ZDHHC21: variants seen among roughly 807,000 people sequenced by gnomAD.
ZDHHC21 encodes the protein zDHHC palmitoyltransferase 21.
ZDHHC21 carries 15 observed loss-of-function variants against 34.6 expected under a neutral mutation model. The observed-to-expected ratio is 0.43, with a 90% CI of 0.29 to 0.67. The LOEUF (loss-of-function observed/expected upper bound fraction) is 0.67. ZDHHC21 is among the 30% of genes least tolerant of loss of function. The pLI is 0.14. For missense variants in ZDHHC21, 344 were observed against 327.7 expected, an observed-to-expected ratio of 1.05 and a Z score of -0.38; for synonymous variants, 142 against 101.8, an observed-to-expected ratio of 1.40 and a Z score of -2.38.
the ZDHHC21 span, among the ~76,000 whole-genome samples, chr9:14,592,911 C>G: frequency 6.6e-6 from 1 of 152,058 alleles, no homozygotes; most frequent in Non-Finnish European, 1.5e-5. Flanking sequence ...TACTTCTAAA[C>G]AATCCATGAT....
At chr9:14,591,151 T>A in the ZDHHC21 span, among the ~76,000 whole-genome samples, 2 of 152,128 alleles carry the variant, frequency 1.3e-5, no homozygotes, top group African/African-American at 4.8e-5. Flanking sequence ...AGGAAAATAC[T>A]GAGTTACTCC....
intron 7 of ZDHHC21, among the ~76,000 whole-genome samples, chr9:14,656,003 G>GA (rs142454823): frequency 0.15 from 21,972 of 151,140 alleles, 2,144 homozygotes; most frequent in South Asian, 0.36. Flanking sequence ...ACTAATAACA[G>GA]AAAAAAAATT....
At chr9:14,644,811 C>A in intron 7 of ZDHHC21, among the ~76,000 whole-genome samples, 1 of 143,844 alleles carries the variant, frequency 7.0e-6, no homozygotes, top group African/African-American at 2.6e-5. Flanking sequence ...TACACACATA[C>A]ATATGTATAC....
chr9:14,631,084 TCTC>T (rs1827261246), intron 8 of ZDHHC21, among the ~76,000 whole-genome samples: 1 of 152,182 alleles, frequency 6.6e-6, no homozygotes, highest in Non-Finnish European at 1.5e-5. Flanking sequence ...GGTATCGACT[TCTC>T]CTCTGTAGCC....
chr9:14,690,211 A>G, intron 2 of ZDHHC21, 126 bp downstream of exon 2: 2 of 352,074 alleles, frequency 5.7e-6, no homozygotes, highest in South Asian at 2.2e-5. Context: ...TCTAGTACCC[A>G]CCACACCAAG....
chr9:14,690,927 GA>G (rs1272468532), intron 1 of ZDHHC21, among the ~76,000 whole-genome samples: 1 of 152,086 alleles, frequency 6.6e-6, no homozygotes, highest in African/African-American at 2.4e-5. Context: ...TAATGCATGT[GA>G]AAAGTTGAAT....
the ZDHHC21 span, among the ~76,000 whole-genome samples, chr9:14,592,329 T>G: frequency 6.6e-6 from 1 of 152,156 alleles, no homozygotes; most frequent in East Asian, 1.9e-4. Flanking sequence ...ATAATTCCAT[T>G]TCCTTCCTTC....
intron 8 of ZDHHC21, among the ~76,000 whole-genome samples, chr9:14,629,488 G>C (rs1157994659): frequency 1.3e-5 from 2 of 152,092 alleles, no homozygotes; most frequent in Non-Finnish European, 2.9e-5. Context: ...AGCGAGTATT[G>C]CAATAAAGCC....
chr9:14,618,382 C>G lies in ZDHHC21; in HGVS notation c.*584G>C, dbSNP rs1271550278. The stretch of plus-strand genomic sequence containing the variant: ...TTTTGGTGAAGAAAAAAGAAGAAAA[C>G]GTAAGCAAGCCACTCCTAAGAAACC... On this transcript the variant is annotated 3_prime_UTR_variant, in exon 10 of 10. Coordinates refer to ENST00000380916, the MANE Select transcript of ZDHHC21 (RefSeq NM_178566.6). 1 of 152,446 alleles carries G rather than the reference C, an allele frequency of 6.6e-6. No individual in the cohort carries two copies. 9.4% of individuals were successfully genotyped at this position (152,446 alleles called of 1,614,324 possible). A position where few individuals can be genotyped will look rare whatever the true frequency, so the allele number is the denominator to read the frequency against.
intron 1 of ZDHHC21, 44 bp downstream of exon 1, chr9:14,693,185 T>C (rs899238481): frequency 1.6e-5 from 3 of 182,006 alleles, no homozygotes; most frequent in African/African-American, 8.3e-5. Context: ...CGGATGGGGA[T>C]GGGGGTGGGG....
At chr9:14,591,494 A>G in the ZDHHC21 span, among the ~76,000 whole-genome samples, 5 of 152,024 alleles carry the variant, frequency 3.3e-5, no homozygotes, top group African/African-American at 1.2e-4. Flanking sequence ...TGTTCTTTAT[A>G]TATTCTCCAG....
rs1019020523 is a variant in ZDHHC21, at chr9:14,616,225, A to T, written c.*2741T>A. The stretch of plus-strand genomic sequence containing the variant: ...TTCTATGTTTTGTAATAAATTGGTA[A>T]TTTCAAAGTAACAGCTTTTCCAATT... On this transcript the variant is annotated 3_prime_UTR_variant, in exon 10 of 10. Transcript: ENST00000380916. 3.3e-5 allele frequency: 5 copies of T among 151,730 alleles called. No homozygotes were observed. The highest frequency in any genetic ancestry group is 7.4e-5 in the Non-Finnish European group (5 of 67,754). 9.4% of individuals were successfully genotyped at this position (151,730 alleles called of 1,614,324 possible). A position where few individuals can be genotyped will look rare whatever the true frequency, so the allele number is the denominator to read the frequency against.
Position 14,686,888 on chromosome 9 carries a change from G to A in ZDHHC21, c.-176+3449C>T, listed in dbSNP as rs560165457. On this transcript the variant is annotated intron_variant, in intron 2 of 9. Transcript: ENST00000380916. ...CTTAGGAGGTTAAGGCACGAGAATCGTTTCAACCCAAGAGGCAGAGGTTGC... is the reference window on the plus strand; with the variant it reads ...CTTAGGAGGTTAAGGCACGAGAATCATTTCAACCCAAGAGGCAGAGGTTGC... Among the ~76,000 whole-genome samples, 16 of 149,828 alleles carry A rather than the reference G, an allele frequency of 1.1e-4. No homozygotes were observed. The South Asian group carries it at 1.5e-3, about 14-fold the overall frequency.
In ZDHHC21 at chr9:14,618,776, A is replaced by G; in HGVS notation, c.*190T>C. 1 of 500,518 alleles carries G rather than the reference A, an allele frequency of 2.0e-6. No homozygotes were observed. Among genetic ancestry groups the G allele is most frequent in the Non-Finnish European group, 3.1e-6 (1 of 319,422 alleles). 31.0% of individuals were successfully genotyped at this position (500,518 alleles called of 1,614,324 possible). A position where few individuals can be genotyped will look rare whatever the true frequency, so the allele number is the denominator to read the frequency against. On this transcript the variant is annotated 3_prime_UTR_variant, in exon 10 of 10. Coordinates refer to ENST00000380916, the MANE Select transcript of ZDHHC21 (RefSeq NM_178566.6). ...TGAAAGTAAACATGCTTTAAAACTT[A>G]AATATAGATCTTGTATTAGTCCCAC...
chr9:14,684,890 A>G (rs1838033139), intron 2 of ZDHHC21, among the ~76,000 whole-genome samples: 1 of 152,258 alleles, frequency 6.6e-6, no homozygotes. Flanking sequence ...GCCCCCAGAA[A>G]TAATAGCACA....
chr9:14,619,187 T>A, intron 9 of ZDHHC21, 89 bp from the exon 10 acceptor site: 1 of 1,356,636 alleles, frequency 7.4e-7, no homozygotes, highest in Non-Finnish European at 9.9e-7. Flanking sequence ...GGGGATCCAT[T>A]ACTGGACTCT....
In ZDHHC21 at chr9:14,648,934, T is replaced by TG. The variant is rs1554768227; in HGVS notation, c.505-8923_505-8922insC. Reference sequence around the variant, plus strand: ...GTTTTTATAAGACTACTCTGAAAAGTAAAAATTTTTTTTTTCTTTGTGATC... The same window carrying TG: ...GTTTTTATAAGACTACTCTGAAAAGTGAAAAATTTTTTTTTTCTTTGTGATC... On this transcript the variant is annotated intron_variant, in intron 7 of 9. Coordinates refer to ENST00000380916, the MANE Select transcript of ZDHHC21 (RefSeq NM_178566.6). 6.1e-4 allele frequency among the ~76,000 whole-genome samples: 79 copies of TG among 130,538 alleles called. 2 individuals are homozygous for TG. In the South Asian group the frequency reaches 0.019, roughly 31 times the overall value. The allele number at this position is 130,538 out of a possible 152,430, so 85.6% of individuals were successfully genotyped here. A position where few individuals can be genotyped will look rare whatever the true frequency, so the allele number is the denominator to read the frequency against.
chr9:14,649,711 T>A lies in ZDHHC21; in HGVS notation c.504+9038A>T, dbSNP rs565385569. 9.2e-5 allele frequency among the ~76,000 whole-genome samples: 14 copies of A among 152,210 alleles called. 1 individual carries two copies. The South Asian group carries it at 2.7e-3, about 29-fold the overall frequency. ...TACTAAATTTTGGTAATCATATGTA[T>A]GCAATTGTCTTACAGAGCGTATTTC... On this transcript the variant is annotated intron_variant, in intron 7 of 9. Coordinates refer to ENST00000380916, the MANE Select transcript of ZDHHC21 (RefSeq NM_178566.6).
Position 14,680,358 on chromosome 9 carries a change from G to C in ZDHHC21, c.-175-196C>G, listed in dbSNP as rs189149442. Among the ~76,000 whole-genome samples the C allele has an allele frequency of 7.0e-4, 106 of 152,190 alleles. 1 individual carries two copies. The highest frequency in any genetic ancestry group is 5.4e-3 in the Admixed American group (83 of 15,284). On this transcript the variant is annotated intron_variant, in intron 2 of 9. Coordinates refer to ENST00000380916, the MANE Select transcript of ZDHHC21 (RefSeq NM_178566.6). ...TTTGCATTTGATTACAATTATATCT[G>C]AGAGTCTTTTAAAACCACCCACTTC...
Sources: gnomAD v4.1 joint callset for allele counts (sites outside exome capture counted in the v4.1 genomes callset) on GRCh38, gnomAD v4.1.1 for gene constraint, MANE v1.5 for transcripts, NCBI Gene and HGNC (gene_info 2026-07-23, HGNC 2026-07-21) for gene names.